PCTP: variants seen among roughly 807,000 people sequenced by gnomAD.
PCTP encodes START domain-containing protein 2.
Under a neutral mutation model 31.0 loss-of-function variants are expected in PCTP, and 27 were observed. That is an observed-to-expected ratio of 0.87 (90% CI 0.64 to 1.20). PCTP has a LOEUF of 1.20. Ranked by LOEUF, PCTP falls within the 50% of genes most tolerant of loss-of-function variation. PCTP has a pLI of 0.00. For missense variants in PCTP, 287 were observed against 268.2 expected (o/e 1.07, Z -0.49); for synonymous variants, 108 against 101.2 (o/e 1.07, Z -0.40).
At position 55,800,613 on chromosome 17, in the gene PCTP, C is replaced by A. The variant is rs140470623; in HGVS notation, c.317+12959C>A. Among the ~76,000 whole-genome samples, 452 of 152,014 alleles carry A rather than the reference C, an allele frequency of 3.0e-3. 1 individual carries two copies. The highest frequency in any genetic ancestry group is 0.011 in the African/African-American group (439 of 41,466). ...ACTCATTCTCCATCCAGTTTTGTTC[C>A]CTTGCTGGTGAGGAGTTGTGATCCT... is the stretch of plus-strand genomic sequence containing the variant. On this transcript the variant is annotated intron_variant, in intron 3 of 3. Transcript: ENST00000572536.
At chr17:55,817,871 C>G (rs1400487213) in intron 3 of PCTP, among the ~76,000 whole-genome samples, 1 of 152,140 alleles carries the variant, frequency 6.6e-6, no homozygotes, top group East Asian at 1.9e-4. Context: ...GAAACCATGG[C>G]TAAGAACACA....
intron 3 of PCTP, among the ~76,000 whole-genome samples, chr17:55,792,927 G>A (rs1181207727): frequency 6.6e-6 from 1 of 152,010 alleles, no homozygotes; most frequent in Non-Finnish European, 1.5e-5. Flanking sequence ...TTTGCACCAA[G>A]GGTATGGATG....
intron 5 of PCTP, among the ~76,000 whole-genome samples, chr17:55,835,866 C>T (rs1905760583): frequency 6.6e-6 from 1 of 152,170 alleles, no homozygotes; most frequent in Non-Finnish European, 1.5e-5. Flanking sequence ...GTAATGAAAA[C>T]TGAGGGAACA....
chr17:55,807,569 C>T (rs1379871717), intron 3 of PCTP, among the ~76,000 whole-genome samples: 4 of 152,072 alleles, frequency 2.6e-5, no homozygotes, highest in African/African-American at 9.7e-5. Flanking sequence ...GACTGATACC[C>T]CACTCTTTTT....
In PCTP at chr17:55,776,743, T is replaced by A; in HGVS notation, c.*643T>A. 1 of 1,169,136 alleles carries A rather than the reference T, an allele frequency of 8.6e-7. No homozygotes were observed. The allele number at this position is 1,169,136 out of a possible 1,614,324, so 72.4% of individuals were successfully genotyped here. A position where few individuals can be genotyped will look rare whatever the true frequency, so the allele number is the denominator to read the frequency against. On this transcript the variant is annotated 3_prime_UTR_variant, in exon 6 of 6. Transcript: ENST00000268896. ...AGTAGCTGTTATGATGCCAGACCATTTGGAGAAGTATCAGAGGCCTGACCG... is the reference window on the plus strand; with the variant it reads ...AGTAGCTGTTATGATGCCAGACCATATGGAGAAGTATCAGAGGCCTGACCG...
downstream of PCTP, among the ~76,000 whole-genome samples, chr17:55,844,767 C>T (rs1432952569): frequency 2.6e-5 from 4 of 152,052 alleles, 1 homozygote. Flanking sequence ...TGGTAACTTC[C>T]ACCTCACAGG....
intron 3 of PCTP, among the ~76,000 whole-genome samples, chr17:55,818,197 A>G (rs1278121186): frequency 6.6e-6 from 1 of 152,270 alleles, no homozygotes; most frequent in Non-Finnish European, 1.5e-5. Flanking sequence ...GAAAAAGCAC[A>G]GAAACGGAGA....
intron 1 of PCTP, 162 bp downstream of exon 1, chr17:55,751,406 C>G (rs1468681158): frequency 2.6e-6 from 4 of 1,534,360 alleles, no homozygotes; most frequent in Admixed American, 3.9e-5. Flanking sequence ...GGAGCTAGCG[C>G]AGGGGCGGTG....
At chr17:55,787,367 T>A (rs201772571) in intron 2 of PCTP, among the ~76,000 whole-genome samples, 12 of 151,576 alleles carry the variant, frequency 7.9e-5, no homozygotes, top group East Asian at 7.8e-4. Flanking sequence ...ATATATATAT[T>A]TTTTGAGATG....
chr17:55,837,226 A>C (rs1905807021), intron 5 of PCTP, among the ~76,000 whole-genome samples: 1 of 152,206 alleles, frequency 6.6e-6, no homozygotes, highest in Non-Finnish European at 1.5e-5. Flanking sequence ...CTTTAGACAT[A>C]ATGCTGCAAG....
At chr17:55,822,294 C>T (rs1913139504) in intron 3 of PCTP, among the ~76,000 whole-genome samples, 1 of 152,192 alleles carries the variant, frequency 6.6e-6, no homozygotes, top group South Asian at 2.1e-4. Context: ...GGGACTCAAG[C>T]CAAATGTGCT....
intron 3 of PCTP, among the ~76,000 whole-genome samples, chr17:55,772,077 A>G (rs1911038889): frequency 1.3e-5 from 2 of 152,240 alleles, no homozygotes; most frequent in Admixed American, 1.3e-4. Context: ...TCCGTGGAGT[A>G]TCAGATGATA....
intron 1 of PCTP, among the ~76,000 whole-genome samples, chr17:55,762,307 A>C (rs1910381108): frequency 6.6e-6 from 1 of 152,118 alleles, no homozygotes. Context: ...TTAGCTAATC[A>C]TTTATAAGAC....
intron 5 of PCTP, among the ~76,000 whole-genome samples, chr17:55,831,726 G>T (rs867122131): frequency 1.3e-4 from 20 of 152,072 alleles, no homozygotes; most frequent in African/African-American, 4.8e-4. Context: ...TTGCACTAGA[G>T]TCCCAGATAC....
chr17:55,823,473 G>T (rs951386599), downstream of PCTP, among the ~76,000 whole-genome samples: 13 of 152,174 alleles, frequency 8.5e-5, no homozygotes, highest in South Asian at 4.1e-4. Flanking sequence ...CAAAGCTTCC[G>T]CCTCAGAGCT....
At chr17:55,814,237 T>C (rs1014651432) in intron 3 of PCTP, among the ~76,000 whole-genome samples, 6 of 152,176 alleles carry the variant, frequency 3.9e-5, no homozygotes, top group Admixed American at 3.9e-4. Context: ...GACATGCACA[T>C]TTGTCTACCC....
At chr17:55,792,995 G>A (rs1366487962) in intron 3 of PCTP, among the ~76,000 whole-genome samples, 3 of 151,888 alleles carry the variant, frequency 2.0e-5, no homozygotes, top group South Asian at 2.1e-4. Flanking sequence ...AAACAAAAAC[G>A]CATCTCCCCA....
At chr17:55,759,101 C>T (rs181352386) in intron 1 of PCTP, among the ~76,000 whole-genome samples, 40 of 152,338 alleles carry the variant, frequency 2.6e-4, no homozygotes, top group African/African-American at 9.4e-4. Flanking sequence ...AGTGAACCAG[C>T]AGGTGAATCT....
chr17:55,808,017 G>T (rs186388060), intron 3 of PCTP, among the ~76,000 whole-genome samples: 4 of 152,114 alleles, frequency 2.6e-5, no homozygotes, highest in African/African-American at 4.8e-5. Context: ...GATAATGATG[G>T]TGGTGACTAC....
Sources: allele counts gnomAD v4.1 joint callset (sites outside exome capture counted in the v4.1 genomes callset), GRCh38; gene constraint gnomAD v4.1.1; transcripts MANE v1.5; gene names NCBI Gene and HGNC (gene_info 2026-07-23, HGNC 2026-07-21).